The following DOP1B variants were observed in gnomAD, a reference collection of about 807,000 sequenced individuals.
DOP1B encodes protein DOP1B.
A neutral mutation model predicts 233.5 loss-of-function variants in DOP1B; 174 were observed. The observed-to-expected ratio is 0.75, with a 90% CI of 0.66 to 0.85. The LOEUF (loss-of-function observed/expected upper bound fraction) is 0.85, where lower values mean the gene tolerates loss of function less well. DOP1B is among the 40% of genes least tolerant of loss of function. DOP1B has a pLI of 0.00. For missense variants in DOP1B, 2,652 were observed against 2,846.6 expected, an observed-to-expected ratio of 0.93 and a Z score of 1.56; for synonymous variants, 1,190 against 1,185.6, an observed-to-expected ratio of 1.00 and a Z score of -0.08.
chr21:36,233,799 A>G (rs1157755853), intron 15 of DOP1B, among the ~76,000 whole-genome samples: 1 of 152,056 alleles, frequency 6.6e-6, no homozygotes, highest in Non-Finnish European at 1.5e-5. Context: ...TCCATGTGGG[A>G]CACCATCTAC....
At chr21:36,197,988 C>G (rs1379151083) in intron 2 of DOP1B, among the ~76,000 whole-genome samples, 1 of 149,318 alleles carries the variant, frequency 6.7e-6, no homozygotes, top group East Asian at 2.0e-4. Flanking sequence ...CCATTGCACT[C>G]CGGCCTGGGC....
At chr21:36,288,208 C>T in intron 33 of DOP1B, 58 bp downstream of exon 33, 2 of 1,521,250 alleles carry the variant, frequency 1.3e-6, no homozygotes, top group Non-Finnish European at 1.8e-6. Flanking sequence ...AATGCTTTTT[C>T]AGTAACATAA....
At chr21:36,237,798 G>A (rs539096633) in intron 16 of DOP1B, among the ~76,000 whole-genome samples, 13 of 152,332 alleles carry the variant, frequency 8.5e-5, no homozygotes, top group African/African-American at 2.9e-4. Flanking sequence ...TTGGGAGGCT[G>A]AGGTGGGAGA....
chr21:36,253,653 G>A (rs1356127267), intron 22 of DOP1B, 119 bp from the exon 23 acceptor site: 206 of 944,588 alleles, frequency 2.2e-4, no homozygotes, highest in Admixed American at 5.2e-4. Context: ...AAAAAAAAAA[G>A]AGATGAAAAC....
At chr21:36,185,169 G>A (rs996582905) in intron 2 of DOP1B, among the ~76,000 whole-genome samples, 2 of 142,828 alleles carry the variant, frequency 1.4e-5, no homozygotes, top group Non-Finnish European at 1.5e-5. Flanking sequence ...AACATCTCCC[G>A]ATACTATGTT....
At chr21:36,169,842 C>G (rs1219511746) in intron 2 of DOP1B, 2 of 935,554 alleles carry the variant, frequency 2.1e-6, no homozygotes, top group African/African-American at 3.2e-5. Context: ...ACCTTTTGCA[C>G]TCATCGTTGA....
chr21:36,158,498 G>A (rs1317708633), intron 1 of DOP1B, among the ~76,000 whole-genome samples: 4 of 152,126 alleles, frequency 2.6e-5, no homozygotes, highest in Admixed American at 6.6e-5. Context: ...CACAGGACTC[G>A]TGTATTGCAG....
Position 36,230,601 on chromosome 21 carries a change from T to G in DOP1B, c.1817T>G (p.Val606Gly). 3 of 1,614,120 alleles carry G rather than the reference T, an allele frequency of 1.9e-6. No homozygotes were observed. Among genetic ancestry groups the G allele is most frequent in the Non-Finnish European group, 2.5e-6 (3 of 1,180,016 alleles). The change falls in exon 14 of 37, where the codon GTT (valine) becomes GGT (glycine). Residue 606 changes from valine to glycine, a missense_variant. By Grantham distance (109) the Val-to-Gly change is moderately radical (BLOSUM62 -3). This residue lies in a region of DOP1B where 2,617 missense variants were observed against 2,794.3 expected (regional missense o/e 0.94). Transcript: ENST00000691173. Reference protein sequence around the residue: ...SSPELSEHLRVPRVSLERDDV... With the variant: ...SSPELSEHLRGPRVSLERDDV... ...CCGGAGCTCTCTGAGCACTTGAGGGTTCCTCGAGTTTCTCTGGAAAGGGAC... is the reference window on the plus strand; with the variant it reads ...CCGGAGCTCTCTGAGCACTTGAGGGGTCCTCGAGTTTCTCTGGAAAGGGAC...
intron 27 of DOP1B, among the ~76,000 whole-genome samples, chr21:36,270,893 A>T (rs2067280476): frequency 6.8e-6 from 1 of 147,284 alleles, no homozygotes; most frequent in South Asian, 2.1e-4. Context: ...AGCCTGGGCG[A>T]CAGAGTGAGA....
chr21:36,283,936 CTTTTTTTTTTT>C (rs547999186), intron 32 of DOP1B, among the ~76,000 whole-genome samples: 3 of 100,992 alleles, frequency 3.0e-5, no homozygotes, highest in African/African-American at 4.0e-5. Flanking sequence ...ACACCTGTTC[CTTTTTTTTTTT>C]TTTTTTTTTT....
chr21:36,190,776 C>T (rs751121010), intron 2 of DOP1B, among the ~76,000 whole-genome samples: 63 of 152,232 alleles, frequency 4.1e-4, no homozygotes, highest in Non-Finnish European at 7.5e-4. Flanking sequence ...ATTAAGCTTA[C>T]TGGCCAGCCA....
chr21:36,176,672 C>T (rs977819426), intron 2 of DOP1B, among the ~76,000 whole-genome samples: 2 of 152,140 alleles, frequency 1.3e-5, no homozygotes. Flanking sequence ...GATGGGAATT[C>T]TTGACTGGCT....
Position 36,235,865 on chromosome 21 carries a change from G to GGT in DOP1B, c.2623-1396_2623-1395insTG, listed in dbSNP as rs959870201. ...TGCCATAGTGACAGCAAGGAAGTCG[G>GGT]GGGGGGGGCGGTCTACGTAGTCAAA... On this transcript the variant is annotated intron_variant, in intron 15 of 36. Coordinates refer to ENST00000691173, the MANE Select transcript of DOP1B (RefSeq NM_001320714.2). 2.8e-5 allele frequency among the ~76,000 whole-genome samples: 4 copies of GGT among 145,264 alleles called. No homozygotes were observed. The Admixed American group carries it at 2.8e-4, about 10-fold the overall frequency.
In DOP1B at chr21:36,186,747, G is replaced by C. The variant is rs556418862; in HGVS notation, c.139-12323G>C. On this transcript the variant is annotated intron_variant, in intron 2 of 36. Transcript: ENST00000691173. ...CCTGGGAAGCTGCAGGCAGACCTCT[G>C]AGCTCCAGCTCGTTCTTCAGTAAAA... Among the ~76,000 whole-genome samples, 11 of 152,304 alleles carry C rather than the reference G, an allele frequency of 7.2e-5. No homozygotes were observed. In the South Asian group the frequency reaches 2.3e-3, roughly 32 times the overall value.
At chr21:36,251,757 G>C in intron 22 of DOP1B, among the ~76,000 whole-genome samples, 1 of 152,314 alleles carries the variant, frequency 6.6e-6, no homozygotes, top group Non-Finnish European at 1.5e-5. Flanking sequence ...TAATATAGCT[G>C]TGTCTCAGTA....
chr21:36,200,584 C>G, intron 4 of DOP1B, 83 bp downstream of exon 4: 2 of 1,478,876 alleles, frequency 1.4e-6, no homozygotes, highest in Non-Finnish European at 1.8e-6. Context: ...TGGCTCACGC[C>G]TGTAATCCCA....
At chr21:36,173,867 T>TA (rs34655762) in intron 2 of DOP1B, among the ~76,000 whole-genome samples, 9,910 of 147,502 alleles carry the variant, frequency 0.067, 1,064 homozygotes, top group African/African-American at 0.23. Context: ...TAAAGCTCTT[T>TA]AAAAAAAAAA....
chr21:36,243,614 T>C (rs2066918290), intron 18 of DOP1B, among the ~76,000 whole-genome samples: 1 of 152,058 alleles, frequency 6.6e-6, no homozygotes, highest in African/African-American at 2.4e-5. Flanking sequence ...CTGTGTATTA[T>C]ACATACTCTC....
chr21:36,270,218 TA>T, intron 27 of DOP1B, 61 bp downstream of exon 27: 1 of 1,554,504 alleles, frequency 6.4e-7, no homozygotes, highest in Non-Finnish European at 8.7e-7. Context: ...GGCTTTTCCT[TA>T]AGAGAGATCT....
Sources: gnomAD v4.1 joint callset for allele counts (sites outside exome capture counted in the v4.1 genomes callset) on GRCh38, gnomAD v4.1.1 for gene constraint, gnomAD v4.1.1 regional missense constraint, MANE v1.5 for transcripts, NCBI Gene and HGNC (gene_info 2026-07-23, HGNC 2026-07-21) for gene names.